The following CRISP2 variants were observed in gnomAD, a reference collection of about 807,000 sequenced individuals.
The protein encoded by CRISP2 is cysteine-rich secretory protein 2.
CRISP2 carries 29 observed loss-of-function variants against 31.7 expected under a neutral mutation model. The ratio of observed to expected loss-of-function variants is 0.92; its 90% confidence interval spans 0.68 to 1.25. CRISP2 has a LOEUF of 1.25. CRISP2 is among the 50% of genes most tolerant of loss of function. The probability of loss-of-function intolerance (pLI) is 0.00; values close to 1 mark genes in which losing one functional copy is unlikely to be tolerated. For synonymous variants in CRISP2, 111 were observed against 101.4 expected (o/e 1.09, Z -0.57); for missense variants, 318 against 286.5 (o/e 1.11, Z -0.79).
intron 3 of CRISP2, among the ~76,000 whole-genome samples, chr6:49,710,204 T>C (rs1256462026): frequency 1.3e-5 from 2 of 152,202 alleles, no homozygotes; most frequent in Non-Finnish European, 2.9e-5. Context: ...ATCCATTGCC[T>C]TTATGCTCAA....
chr6:49,698,684 A>C (rs779582284), intron 6 of CRISP2, among the ~76,000 whole-genome samples, 177 bp from the exon 7 acceptor site: 1 of 152,116 alleles, frequency 6.6e-6, no homozygotes, highest in Non-Finnish European at 1.5e-5. Context: ...TAGAACACTT[A>C]ACTGCCTGAC....
At chr6:49,676,816 A>G in the CRISP2 span, among the ~76,000 whole-genome samples, 1 of 152,146 alleles carries the variant, frequency 6.6e-6, no homozygotes, top group Non-Finnish European at 1.5e-5. Context: ...AGGGGGATGT[A>G]ATCATCAGGA....
At chr6:49,705,482 T>C (rs681283) in intron 4 of CRISP2, among the ~76,000 whole-genome samples, 130,590 of 152,204 alleles carry the variant, frequency 0.86, 56,157 homozygotes, top group East Asian at 0.95. Context: ...CCTTTCCCCA[T>C]TTCCCACCTA....
chr6:49,698,217 C>T (rs1582048825), intron 7 of CRISP2, 145 bp downstream of exon 7: 2 of 939,160 alleles, frequency 2.1e-6, no homozygotes, highest in African/African-American at 3.4e-5. Flanking sequence ...ACAAAAATGA[C>T]AGCTCTACAA....
the CRISP2 span, among the ~76,000 whole-genome samples, chr6:49,681,699 C>T: frequency 3.3e-5 from 5 of 152,196 alleles, no homozygotes; most frequent in South Asian, 1.0e-3. Context: ...AGGAATTTCT[C>T]ATAGATTAAT....
At chr6:49,713,008 C>T (rs929361422) in intron 1 of CRISP2, among the ~76,000 whole-genome samples, 4 of 151,960 alleles carry the variant, frequency 2.6e-5, no homozygotes, top group African/African-American at 9.7e-5. Flanking sequence ...AGCTTTGTCT[C>T]TTCATTTTTT....
chr6:49,689,968 C>T (rs1304815928), downstream of CRISP2, among the ~76,000 whole-genome samples: 1 of 152,036 alleles, frequency 6.6e-6, no homozygotes, highest in Non-Finnish European at 1.5e-5. Flanking sequence ...ATAAGAGCAT[C>T]TTCTATCTTT....
chr6:49,693,590 A>C (rs1290400162), intron 9 of CRISP2, among the ~76,000 whole-genome samples: 1 of 152,182 alleles, frequency 6.6e-6, no homozygotes, highest in South Asian at 2.1e-4. Context: ...AAGGCTGACA[A>C]TTCTCAGCAG....
intron 4 of CRISP2, among the ~76,000 whole-genome samples, chr6:49,701,596 T>C (rs569714210): frequency 1.3e-5 from 1 of 75,772 alleles, no homozygotes; most frequent in African/African-American, 4.8e-5. Flanking sequence ...TGTATATATA[T>C]ACACACACAC....
the CRISP2 span, among the ~76,000 whole-genome samples, chr6:49,680,667 T>A: frequency 6.6e-6 from 1 of 152,166 alleles, no homozygotes. Flanking sequence ...ACATCTGTTA[T>A]TTTTTGACTT....
In CRISP2 at chr6:49,701,935, TAA is replaced by T. The variant is rs1561877771; in HGVS notation, c.67-1153_67-1152del. 9.1e-4 allele frequency among the ~76,000 whole-genome samples: 85 copies of T among 93,804 alleles called. 2 individuals carry two copies. Among genetic ancestry groups the T allele is most frequent in the African/African-American group, 2.9e-3 (69 of 23,504 alleles). 61.5% of individuals were successfully genotyped at this position (93,804 alleles called of 152,430 possible). On this transcript the variant is annotated intron_variant, in intron 4 of 9. Transcript: ENST00000339139. ...TATATATTATATTATATATAATATA[TAA>T]TATATGTAATATAATATATTATATT...
At chr6:49,678,740 C>A in the CRISP2 span, among the ~76,000 whole-genome samples, 1 of 152,134 alleles carries the variant, frequency 6.6e-6, no homozygotes, top group Admixed American at 6.6e-5. Flanking sequence ...TAAGCAGGAG[C>A]AGCATCAAGT....
chr6:49,712,867 G>T (rs2127444067), intron 1 of CRISP2, among the ~76,000 whole-genome samples: 1 of 152,276 alleles, frequency 6.6e-6, no homozygotes, highest in Non-Finnish European at 1.5e-5. Flanking sequence ...TGGCTAACTT[G>T]CTTGGAAAAT....
At chr6:49,686,594 C>T in the CRISP2 span, among the ~76,000 whole-genome samples, 1 of 152,226 alleles carries the variant, frequency 6.6e-6, no homozygotes, top group Non-Finnish European at 1.5e-5. Context: ...AACACTTTTA[C>T]ACTGTTGGTG....
At chr6:49,684,680 G>T in the CRISP2 span, among the ~76,000 whole-genome samples, 17 of 151,948 alleles carry the variant, frequency 1.1e-4, no homozygotes, top group African/African-American at 3.6e-4. Context: ...ATATCCAATG[G>T]CATTAAAATT....
At chr6:49,682,137 ATCT>A in the CRISP2 span, among the ~76,000 whole-genome samples, 26 of 151,986 alleles carry the variant, frequency 1.7e-4, no homozygotes, top group Non-Finnish European at 3.4e-4. Flanking sequence ...TCCTTTCCTC[ATCT>A]TCTTGTTTTT....
chr6:49,700,481 T>C (rs1765475732), intron 5 of CRISP2, among the ~76,000 whole-genome samples, 187 bp downstream of exon 5: 1 of 152,182 alleles, frequency 6.6e-6, no homozygotes, highest in Non-Finnish European at 1.5e-5. Context: ...TCTGTATAAT[T>C]GAGTTTTTTT....
chr6:49,707,177 C>T (rs574778917), intron 4 of CRISP2, among the ~76,000 whole-genome samples: 15 of 151,926 alleles, frequency 9.9e-5, no homozygotes, highest in African/African-American at 3.4e-4. Flanking sequence ...TTAAACATAT[C>T]GAGAATAAAA....
At chr6:49,692,933 C>A (rs767445386) in intron 9 of CRISP2, 33 bp from the exon 10 acceptor site, 2 of 1,608,064 alleles carry the variant, frequency 1.2e-6, no homozygotes, top group African/African-American at 1.3e-5. Flanking sequence ...AACTCATTAT[C>A]GTTTTCCTCA....
Sources: allele counts gnomAD v4.1 joint callset (sites outside exome capture counted in the v4.1 genomes callset), GRCh38; gene constraint gnomAD v4.1.1; transcripts MANE v1.5; gene names NCBI Gene and HGNC (gene_info 2026-07-23, HGNC 2026-07-21).